PIEZO2: variants seen among roughly 807,000 people sequenced by gnomAD.
PIEZO2 encodes the protein piezo-type mechanosensitive ion channel component 2.
Under a neutral mutation model 337.3 loss-of-function variants are expected in PIEZO2, and 172 were observed. The observed-to-expected ratio is 0.51, with a 90% CI of 0.45 to 0.58. The LOEUF (loss-of-function observed/expected upper bound fraction) is 0.58, where lower values mean the gene tolerates loss of function less well. Ranked by LOEUF, PIEZO2 falls within the 20% of genes least tolerant of loss-of-function variation. The probability of loss-of-function intolerance (pLI) is 0.00; values close to 1 mark genes in which losing one functional copy is unlikely to be tolerated. For synonymous variants in PIEZO2, 1,251 were observed against 1,228.5 expected, an observed-to-expected ratio of 1.02 and a Z score of -0.38; for missense variants, 3,028 against 3,391.3, an observed-to-expected ratio of 0.89 and a Z score of 2.66.
intron 3 of PIEZO2, among the ~76,000 whole-genome samples, chr18:10,918,739 G>A (rs2145122181): frequency 1.3e-5 from 2 of 151,992 alleles, no homozygotes; most frequent in South Asian, 4.2e-4. Context: ...TTCGAATCCT[G>A]CTTTAATTAC....
intron 35 of PIEZO2, among the ~76,000 whole-genome samples, chr18:10,733,651 T>C (rs1402522485): frequency 1.3e-5 from 2 of 152,138 alleles, no homozygotes; most frequent in Non-Finnish European, 1.5e-5. Context: ...GGTTTCACTG[T>C]GTTAGCCAGG....
chr18:10,906,575 T>A (rs2029944563), intron 4 of PIEZO2, among the ~76,000 whole-genome samples: 1 of 152,134 alleles, frequency 6.6e-6, no homozygotes, highest in Non-Finnish European at 1.5e-5. Context: ...CTTTTTTTTT[T>A]TTTGAGACAG....
rs558225979 is a variant in PIEZO2, at chr18:10,951,260, T to C, written c.286+28275A>G. The stretch of plus-strand genomic sequence containing the variant: ...AAGACAATACATAACATTTCCCTTC[T>C]TTATAAAACCTTCTCTTTGTTTCTC... On this transcript the variant is annotated intron_variant, in intron 3 of 55. Transcript: ENST00000674853. 1.7e-3 allele frequency among the ~76,000 whole-genome samples: 262 copies of C among 152,322 alleles called. 3 individuals carry two copies. The highest frequency in any genetic ancestry group is 5.9e-3 in the African/African-American group (244 of 41,570).
intron 3 of PIEZO2, among the ~76,000 whole-genome samples, chr18:10,960,044 T>G (rs1262132265): frequency 6.6e-6 from 1 of 152,182 alleles, no homozygotes; most frequent in East Asian, 1.9e-4. Flanking sequence ...GTCCACAAAT[T>G]ATCAAATTGA....
At chr18:11,026,333 T>C (rs1568307880) in intron 2 of PIEZO2, among the ~76,000 whole-genome samples, 1 of 152,156 alleles carries the variant, frequency 6.6e-6, no homozygotes, top group South Asian at 2.1e-4. Context: ...GTAGAAACTC[T>C]GCTGGCCTCT....
chr18:10,900,037 G>A (rs570261942), intron 4 of PIEZO2, among the ~76,000 whole-genome samples: 20 of 152,162 alleles, frequency 1.3e-4, no homozygotes, highest in East Asian at 5.8e-4. Context: ...TTTGCTAGAA[G>A]AAAAATAGAT....
At position 10,704,463 on chromosome 18, in the gene PIEZO2, G is replaced by A; in HGVS notation, c.6189C>T (p.Phe2063=). 2 of 1,537,278 alleles carry A rather than the reference G, an allele frequency of 1.3e-6. No homozygotes were observed. The highest frequency in any genetic ancestry group is 1.2e-5 in the South Asian group (1 of 84,066). The change falls in exon 42 of 56, where the codon TTC becomes TTT. Residue 2063 remains phenylalanine (F), a synonymous_variant. Transcript: ENST00000674853. The part of the protein sequence containing the change: ...MITLLLPILI[F]LWAMLSVPRP... ...TGGGGACGGACAACATGGCCCAGAG[G>A]AAGATGAGGATGGGAAGCAGGAGCG... is the stretch of plus-strand genomic sequence containing the variant.
chr18:10,938,224 C>T (rs949633223), intron 3 of PIEZO2, among the ~76,000 whole-genome samples: 1 of 152,210 alleles, frequency 6.6e-6, no homozygotes, highest in African/African-American at 2.4e-5. Flanking sequence ...GGTCTTAGAC[C>T]TCTCATCTGT....
Position 10,682,214 on chromosome 18 carries a change from T to C in PIEZO2, c.7576A>G (p.Ile2526Val). 1 of 1,537,244 alleles carries C rather than the reference T, an allele frequency of 6.5e-7. No homozygotes were observed. Among genetic ancestry groups the C allele is most frequent in the Non-Finnish European group, 8.7e-7 (1 of 1,146,898 alleles). ...AGAAGAGGAAACCAGACAATGCAGA[T>C]GAGCAGGACGATGATCATTCCTCCC... The part of the protein sequence containing the change: ...GMGGMIIVLL[I>V]CIVWFPLLFM... Residue 2526 changes from isoleucine to valine, a missense_variant, in exon 50 of 56, where the codon ATC becomes GTC. Around this residue, in one of 5 missense-constraint regions of PIEZO2, gnomAD observed 179 missense variants for 281.8 expected, o/e 0.64. Coordinates refer to ENST00000674853, the MANE Select transcript of PIEZO2 (RefSeq NM_001378183.1). This position sits in a 1 kb window ranked among gnomAD's most constrained non-coding sequence, Gnocchi z 5.6.
At chr18:11,056,473 T>C (rs1209764358) in intron 2 of PIEZO2, among the ~76,000 whole-genome samples, 1 of 152,204 alleles carries the variant, frequency 6.6e-6, no homozygotes. Context: ...GAATTCTTGA[T>C]TTGCTATTTC....
chr18:11,036,660 A>G (rs1475774773), intron 2 of PIEZO2, among the ~76,000 whole-genome samples: 1 of 152,120 alleles, frequency 6.6e-6, no homozygotes, highest in Non-Finnish European at 1.5e-5. Context: ...CTGAATAATT[A>G]AAACTGGTTT....
intron 30 of PIEZO2, 132 bp from the exon 31 acceptor site, chr18:10,744,363 G>A: frequency 1.6e-6 from 1 of 629,908 alleles, no homozygotes. Context: ...TCCTGGCTGG[G>A]AGCAGGAGTC....
chr18:11,073,634 C>T (rs980080617), intron 1 of PIEZO2, among the ~76,000 whole-genome samples: 4 of 152,300 alleles, frequency 2.6e-5, no homozygotes, highest in South Asian at 2.1e-4. Context: ...TCCAGCTTCA[C>T]TTACTTTTCA....
chr18:11,088,577 G>A (rs922049370), intron 1 of PIEZO2, among the ~76,000 whole-genome samples: 2 of 152,186 alleles, frequency 1.3e-5, no homozygotes, highest in Admixed American at 6.5e-5. Flanking sequence ...TTTATCAAAT[G>A]TACCGTTTCT....
intron 2 of PIEZO2, among the ~76,000 whole-genome samples, chr18:11,030,966 A>G (rs544405461): frequency 6.6e-6 from 1 of 151,652 alleles, no homozygotes; most frequent in East Asian, 1.9e-4. Flanking sequence ...GTCCACTTCA[A>G]TGCAATGAAG....
In PIEZO2 at chr18:11,028,850, C is replaced by T. The variant is rs143425244; in HGVS notation, c.160+37277G>A. On this transcript the variant is annotated intron_variant, in intron 2 of 55. Transcript: ENST00000674853. The surrounding 1 kb of genome is among the most constrained non-coding windows in gnomAD (Gnocchi z 4.8). ...TATAATACCTATTGACTCACTTCTT[C>T]AGCAAATATTCATCAATTGCCCTGT... Among the ~76,000 whole-genome samples, 208 of 152,182 alleles carry T rather than the reference C, an allele frequency of 1.4e-3. 2 individuals are homozygous for T. The highest frequency in any genetic ancestry group is 2.3e-3 in the Non-Finnish European group (157 of 68,030).
intron 3 of PIEZO2, among the ~76,000 whole-genome samples, chr18:10,927,276 A>T (rs2031800430): frequency 6.6e-6 from 1 of 152,164 alleles, no homozygotes; most frequent in Non-Finnish European, 1.5e-5. Context: ...TTGGAAGCTC[A>T]AGTTCTTGGC....
intron 44 of PIEZO2, 131 bp from the exon 45 acceptor site, chr18:10,698,011 ACGGCCTT>A: frequency 4.2e-5 from 9 of 214,360 alleles, no homozygotes; most frequent in Non-Finnish European, 5.2e-5. Flanking sequence ...ATGAGTATGC[ACGGCCTT>A]GGGATTTGTC....
In PIEZO2 at chr18:11,148,645, G is replaced by A; in HGVS notation, c.-57C>T. On this transcript the variant is annotated 5_prime_UTR_variant, in exon 1 of 56. Transcript: ENST00000674853. This position sits in a 1 kb window ranked among gnomAD's most constrained non-coding sequence, Gnocchi z 5.2. ...CGAGGCTCGAGGGTCCCTAGGGGTG[G>A]TGGGACGCAAGGCCCATGCCCGTCT... 1 of 1,522,072 alleles carries A rather than the reference G, an allele frequency of 6.6e-7. No individual in the cohort carries two copies. Among genetic ancestry groups the A allele is most frequent in the South Asian group, 1.2e-5 (1 of 83,664 alleles). The allele number at this position is 1,522,072 out of a possible 1,614,324, so 94.3% of individuals were successfully genotyped here.
Sources: allele counts gnomAD v4.1 joint callset (sites outside exome capture counted in the v4.1 genomes callset), GRCh38; gene constraint gnomAD v4.1.1; regional missense constraint gnomAD v4.1.1; non-coding constraint Gnocchi (gnomAD v3.1); transcripts MANE v1.5; gene names NCBI Gene and HGNC (gene_info 2026-07-23, HGNC 2026-07-21).